Variants in GRIK2 observed in about 807,000 individuals in gnomAD.
GRIK2 encodes the protein glutamate ionotropic receptor kainate type subunit 2.
Under a neutral mutation model 100.3 loss-of-function variants are expected in GRIK2, and 32 were observed. The observed-to-expected ratio is 0.32, with a 90% CI of 0.24 to 0.43. GRIK2 has a LOEUF of 0.43. GRIK2 is among the 20% of genes least tolerant of loss of function. The pLI is 1.00. For missense variants in GRIK2, 843 were observed against 1,114.9 expected (o/e 0.76, Z 3.47); for synonymous variants, 417 against 389.4 (o/e 1.07, Z -0.83).
chr6:101,548,371 T>C (rs1487941477), intron 2 of GRIK2, among the ~76,000 whole-genome samples: 1 of 152,216 alleles, frequency 6.6e-6, no homozygotes, highest in African/African-American at 2.4e-5. Context: ...TTGCTTTTGG[T>C]GTTTTAGACC....
At chr6:101,396,923 C>A (rs1775033879) in intron 1 of GRIK2, among the ~76,000 whole-genome samples, 1 of 152,148 alleles carries the variant, frequency 6.6e-6, no homozygotes, top group Admixed American at 6.5e-5. Context: ...AAAGTACAAT[C>A]TTTTAACTGT....
At chr6:102,065,733 A>G in intron 16 of GRIK2, 1 of 999,388 alleles carries the variant, frequency 1.0e-6, no homozygotes, top group Admixed American at 2.4e-5. Context: ...TTTAAATGTC[A>G]ACGGGATCAA....
chr6:101,716,329 G>A (rs1164774933), intron 7 of GRIK2, among the ~76,000 whole-genome samples: 1 of 151,604 alleles, frequency 6.6e-6, no homozygotes, highest in East Asian at 1.9e-4. Context: ...TATAATGAAA[G>A]AAGGCAATAA....
intron 10 of GRIK2, among the ~76,000 whole-genome samples, chr6:101,830,284 T>C (rs117638901): frequency 4.3e-4 from 65 of 152,042 alleles, no homozygotes; most frequent in Non-Finnish European, 7.7e-4. Context: ...TGAAGATATA[T>C]CAAGGAAATT....
At chr6:101,664,587 A>G (rs1769871899) in intron 4 of GRIK2, among the ~76,000 whole-genome samples, 1 of 152,252 alleles carries the variant, frequency 6.6e-6, no homozygotes, top group African/African-American at 2.4e-5. Context: ...GGCCAAAAGC[A>G]CTGCTTACTT....
intron 10 of GRIK2, among the ~76,000 whole-genome samples, chr6:101,852,651 A>G (rs549246336): frequency 6.6e-6 from 1 of 152,282 alleles, no homozygotes; most frequent in African/African-American, 2.4e-5. Flanking sequence ...ATCATCACCT[A>G]CTACTTGGTA....
intron 16 of GRIK2, chr6:102,064,164 G>A (rs529334171): frequency 2.6e-4 from 151 of 585,420 alleles, no homozygotes; most frequent in Middle Eastern, 1.2e-3. Flanking sequence ...GACACAGTGC[G>A]TGGGTTTCCA....
At chr6:101,555,515 C>T (rs1395535516) in intron 2 of GRIK2, among the ~76,000 whole-genome samples, 1 of 152,124 alleles carries the variant, frequency 6.6e-6, no homozygotes, top group African/African-American at 2.4e-5. Flanking sequence ...GGAATAGGGA[C>T]TTCAATGATA....
intron 11 of GRIK2, among the ~76,000 whole-genome samples, chr6:101,863,251 A>G (rs548179710): frequency 6.6e-6 from 1 of 152,326 alleles, no homozygotes; most frequent in African/African-American, 2.4e-5. Context: ...TTTCTCACTG[A>G]AATCATTGCA....
intron 4 of GRIK2, among the ~76,000 whole-genome samples, chr6:101,672,411 T>G (rs970686874): frequency 3.9e-5 from 6 of 152,122 alleles, no homozygotes; most frequent in Non-Finnish European, 8.8e-5. Context: ...CAGACTCTGA[T>G]CTCTTCCTCA....
intron 11 of GRIK2, among the ~76,000 whole-genome samples, chr6:101,878,730 T>A (rs1394007321): frequency 2.0e-5 from 3 of 151,954 alleles, no homozygotes. Context: ...TCTCCCTTCA[T>A]TCCTAATCTT....
At chr6:101,851,957 C>CAA (rs35210713) in intron 10 of GRIK2, among the ~76,000 whole-genome samples, 89,793 of 130,078 alleles carry the variant, frequency 0.69, 32,354 homozygotes, top group Middle Eastern at 0.84. Flanking sequence ...TGACTATGGG[C>CAA]AAAAAAAAAA....
At chr6:101,763,990 C>T (rs1262299159) in intron 7 of GRIK2, among the ~76,000 whole-genome samples, 2 of 152,080 alleles carry the variant, frequency 1.3e-5, no homozygotes, top group Admixed American at 1.3e-4. Context: ...AAACGTTTGT[C>T]CTTAAGGAAG....
At chr6:101,403,402 A>G (rs767567084) in intron 2 of GRIK2, among the ~76,000 whole-genome samples, 25 of 152,166 alleles carry the variant, frequency 1.6e-4, no homozygotes, top group South Asian at 6.2e-4. Context: ...CTTCCCTCCC[A>G]GACGCGCTGG....
chr6:101,588,284 A>G (rs1309313433), intron 2 of GRIK2, among the ~76,000 whole-genome samples: 1 of 152,094 alleles, frequency 6.6e-6, no homozygotes, highest in Non-Finnish European at 1.5e-5. Flanking sequence ...CCAAGGAAAG[A>G]TGTATATGTA....
rs188878791 is a variant in GRIK2 at position 101,802,988 on chromosome 6, G to A, written c.1203+550G>A. Among the ~76,000 whole-genome samples, 105 of 151,558 alleles carry A rather than the reference G, an allele frequency of 6.9e-4. 1 individual carries two copies. Among genetic ancestry groups the A allele is most frequent in the East Asian group, 2.5e-3 (13 of 5,148 alleles). On this transcript the variant is annotated intron_variant, in intron 9 of 16. Transcript: ENST00000369134. Reference sequence around the variant, plus strand: ...TGTGGTAAAACACCCAAAGAATGTGGGTATGTGCCTACTTAATGAATATTT... The same window carrying A: ...TGTGGTAAAACACCCAAAGAATGTGAGTATGTGCCTACTTAATGAATATTT...
intron 7 of GRIK2, among the ~76,000 whole-genome samples, chr6:101,786,364 A>G (rs1031509754): frequency 1.3e-5 from 2 of 151,792 alleles, no homozygotes; most frequent in African/African-American, 2.4e-5. Context: ...AGTGGGCATC[A>G]TTGTCTGGTT....
chr6:101,725,799 C>T (rs538182043), intron 7 of GRIK2, among the ~76,000 whole-genome samples: 8 of 152,016 alleles, frequency 5.3e-5, no homozygotes, highest in South Asian at 2.1e-4. Flanking sequence ...CAAAGACTGT[C>T]GTTAACTCTG....
chr6:101,841,334 A>C (rs1783485572), intron 10 of GRIK2, among the ~76,000 whole-genome samples: 1 of 151,990 alleles, frequency 6.6e-6, no homozygotes, highest in Admixed American at 6.6e-5. Context: ...CTGAATGTTT[A>C]ACAAATTCAC....
Sources: allele counts gnomAD v4.1 joint callset (sites outside exome capture counted in the v4.1 genomes callset), GRCh38; gene constraint gnomAD v4.1.1; transcripts MANE v1.5; gene names NCBI Gene and HGNC (gene_info 2026-07-23, HGNC 2026-07-21).